The following RYR2 variants were observed in gnomAD, a reference collection of about 807,000 sequenced individuals.
The protein encoded by RYR2 is cardiac muscle ryanodine receptor-calcium release channel.
RYR2 carries 227 observed loss-of-function variants against 601.1 expected under a neutral mutation model. The observed-to-expected ratio is 0.38, with a 90% CI of 0.34 to 0.42. The LOEUF (loss-of-function observed/expected upper bound fraction) is 0.42. RYR2 is among the 10% of genes least tolerant of loss of function. RYR2 has a pLI of 1.00. For missense variants in RYR2, 4,646 were observed against 6,156.5 expected, an observed-to-expected ratio of 0.75 and a Z score of 8.21; for synonymous variants, 2,223 against 2,175.1, an observed-to-expected ratio of 1.02 and a Z score of -0.61.
chr1:237,496,552 C>T lies in RYR2; in HGVS notation c.2003C>T (p.Ala668Val). The T allele has an allele frequency of 6.2e-7, 1 of 1,613,960 alleles. No individual in the cohort carries two copies. The highest frequency in any genetic ancestry group is 8.5e-7 in the Non-Finnish European group (1 of 1,179,900). Residue 668 changes from alanine to valine, a missense_variant, in exon 20 of 105, where the codon GCT (alanine) becomes GTT (valine). Coordinates refer to ENST00000366574, the MANE Select transcript of RYR2 (RefSeq NM_001035.3). Reference protein sequence around the residue: ...NIFLGVSEGSAQYKKWYYELM... With the variant: ...NIFLGVSEGSVQYKKWYYELM... ...TTTCTGGGCGTCAGTGAAGGTTCTG[C>T]TCAGTATAAGAAATGGTACTATGAA...
intron 2 of RYR2, among the ~76,000 whole-genome samples, chr1:237,316,165 C>T (rs955942465): frequency 2.0e-5 from 3 of 151,994 alleles, no homozygotes; most frequent in Non-Finnish European, 4.4e-5. Flanking sequence ...TTAAAGTTCC[C>T]TTTTATGTCA....
intron 70 of RYR2, among the ~76,000 whole-genome samples, chr1:237,710,519 AC>A (rs1368607939): frequency 6.6e-6 from 1 of 152,144 alleles, no homozygotes; most frequent in Non-Finnish European, 1.5e-5. Flanking sequence ...TACATTAAAA[AC>A]ATAATCACTC....
At chr1:237,486,195 G>A (rs548949361) in intron 17 of RYR2, among the ~76,000 whole-genome samples, 1 of 152,302 alleles carries the variant, frequency 6.6e-6, no homozygotes, top group African/African-American at 2.4e-5. Flanking sequence ...AAGGTGTTAT[G>A]TTCAGCTTTT....
chr1:237,701,103 G>C (rs1333519835), intron 65 of RYR2, among the ~76,000 whole-genome samples: 1 of 152,236 alleles, frequency 6.6e-6, no homozygotes. Context: ...CCTTTGTTGA[G>C]CAGAATCACC....
At chr1:237,380,367 TA>T (rs1701368777) in intron 8 of RYR2, among the ~76,000 whole-genome samples, 1 of 5,444 alleles carries the variant, frequency 1.8e-4, no homozygotes, top group Admixed American at 1.5e-3. Context: ...CAAATATATA[TA>T]TATATATATA....
At chr1:237,613,277 C>T (rs1213864389) in intron 36 of RYR2, among the ~76,000 whole-genome samples, 1 of 152,140 alleles carries the variant, frequency 6.6e-6, no homozygotes. Flanking sequence ...TTTTGGTCAG[C>T]GGGGGTGGTT....
chr1:237,081,591 G>A (rs989937845), intron 1 of RYR2, among the ~76,000 whole-genome samples: 6 of 151,726 alleles, frequency 4.0e-5, no homozygotes, highest in African/African-American at 9.7e-5. Flanking sequence ...TTCCAGATAT[G>A]TGTTACATAT....
chr1:237,796,094 A>C (rs1659192767), intron 96 of RYR2, among the ~76,000 whole-genome samples: 1 of 151,736 alleles, frequency 6.6e-6, no homozygotes, highest in African/African-American at 2.4e-5. Flanking sequence ...AGGAGGTACA[A>C]GTGTTTTGTT....
chr1:237,781,439 AGT>A, intron 88 of RYR2, 124 bp from the exon 89 acceptor site: 1 of 580,108 alleles, frequency 1.7e-6, no homozygotes, highest in Non-Finnish European at 3.1e-6. Context: ...GCCCTCCTTT[AGT>A]TCCATAATGC....
chr1:237,354,379 G>T (rs1408296821), intron 3 of RYR2, among the ~76,000 whole-genome samples: 1 of 151,954 alleles, frequency 6.6e-6, no homozygotes, highest in South Asian at 2.1e-4. Context: ...GTGAATGTCT[G>T]ACATGCAGAA....
At chr1:237,470,062 C>T (rs550588065) in intron 17 of RYR2, among the ~76,000 whole-genome samples, 3 of 152,306 alleles carry the variant, frequency 2.0e-5, no homozygotes, top group African/African-American at 7.2e-5. Flanking sequence ...CATCTGTTTG[C>T]ACAGTATTTC....
rs1678260244 is a variant in RYR2, at chr1:237,614,618, C to T, written c.5490C>T (p.Ile1830=). 1.2e-6 allele frequency: 2 copies of T among 1,613,902 alleles called. No individual in the cohort carries two copies. Among genetic ancestry groups the T allele is most frequent in the Non-Finnish European group, 8.5e-7 (1 of 1,179,900 alleles). ...TCAAGCTTTTCTATACCCTGCTGATCATGGGCATCTTTCACAACGAGGACT... is the reference window on the plus strand; with the variant it reads ...TCAAGCTTTTCTATACCCTGCTGATTATGGGCATCTTTCACAACGAGGACT... The part of the protein sequence containing the change: ...PLIKLFYTLL[I]MGIFHNEDLK... Residue 1830 remains isoleucine, a synonymous_variant, in exon 37 of 105, where the codon ATC becomes ATT. Coordinates refer to ENST00000366574, the MANE Select transcript of RYR2 (RefSeq NM_001035.3). The surrounding 1 kb of genome is among the most constrained non-coding windows in gnomAD (Gnocchi z 4.3).
At chr1:237,086,793 GT>G (rs1666384292) in intron 1 of RYR2, among the ~76,000 whole-genome samples, 1 of 152,152 alleles carries the variant, frequency 6.6e-6, no homozygotes, top group Non-Finnish European at 1.5e-5. Flanking sequence ...TATGGTTTGA[GT>G]ATGTAGAGAT....
At chr1:237,823,524 A>G (rs888251329) in intron 101 of RYR2, among the ~76,000 whole-genome samples, 2 of 152,244 alleles carry the variant, frequency 1.3e-5, no homozygotes, top group Admixed American at 6.5e-5. Context: ...GGACACATTT[A>G]AAGTAGTGTG....
intron 38 of RYR2, among the ~76,000 whole-genome samples, chr1:237,620,404 T>C (rs7529695): frequency 0.17 from 26,113 of 152,032 alleles, 2,641 homozygotes; most frequent in African/African-American, 0.3. Context: ...ATGCATAGCA[T>C]AGCAAGTCAG....
chr1:237,239,456 A>G (rs978877157), intron 1 of RYR2, among the ~76,000 whole-genome samples: 1 of 152,210 alleles, frequency 6.6e-6, no homozygotes, highest in Non-Finnish European at 1.5e-5. Flanking sequence ...TGGTTGGACC[A>G]GGTGTGCCAT....
chr1:237,072,124 A>T (rs1437943178), intron 1 of RYR2, among the ~76,000 whole-genome samples: 2 of 152,174 alleles, frequency 1.3e-5, no homozygotes, highest in Non-Finnish European at 2.9e-5. Context: ...TGCCTGCAGC[A>T]TGGGGCTCCC....
intron 24 of RYR2, among the ~76,000 whole-genome samples, chr1:237,519,110 AAGG>A (rs1171768192): frequency 1.3e-5 from 2 of 152,030 alleles, no homozygotes; most frequent in Non-Finnish European, 2.9e-5. Context: ...CCCAGTTTTT[AAGG>A]AGACTATTTG....
intron 1 of RYR2, among the ~76,000 whole-genome samples, chr1:237,160,337 A>G (rs1409895933): frequency 1.3e-5 from 2 of 152,202 alleles, no homozygotes; most frequent in African/African-American, 2.4e-5. Flanking sequence ...CAATTTTATT[A>G]TGGTCTTCAA....
Sources: gnomAD v4.1 joint callset for allele counts (sites outside exome capture counted in the v4.1 genomes callset) on GRCh38, gnomAD v4.1.1 for gene constraint, Gnocchi (gnomAD v3.1) non-coding constraint, MANE v1.5 for transcripts, NCBI Gene and HGNC (gene_info 2026-07-23, HGNC 2026-07-21) for gene names.